Variants in PDZRN4 observed in about 807,000 individuals in gnomAD.
The protein encoded by PDZRN4 is PDZ domain containing ring finger 4.
In PDZRN4, 70 loss-of-function variants were observed where a neutral mutation model predicts 99.0. That is an observed-to-expected ratio of 0.71 (90% CI 0.58 to 0.86). The LOEUF (loss-of-function observed/expected upper bound fraction) is 0.86, where lower values mean the gene tolerates loss of function less well. Among genes scored for constraint, PDZRN4 ranks in the 40% least tolerant of loss-of-function variants. The pLI is 0.00. For missense variants in PDZRN4, 1,474 were observed against 1,331.2 expected (o/e 1.11, Z -1.67); for synonymous variants, 551 against 501.6 (o/e 1.10, Z -1.32).
chr12:41,476,123 T>C (rs1193543913), intron 3 of PDZRN4, among the ~76,000 whole-genome samples: 1 of 152,198 alleles, frequency 6.6e-6, no homozygotes, highest in Non-Finnish European at 1.5e-5. Flanking sequence ...AAGTTAGTCT[T>C]TTAGTATCCC....
At chr12:41,417,583 G>A (rs1592051869) in intron 3 of PDZRN4, among the ~76,000 whole-genome samples, 1 of 152,176 alleles carries the variant, frequency 6.6e-6, no homozygotes, top group East Asian at 1.9e-4. Context: ...TTGCAATACA[G>A]CAGGCCACTA....
At chr12:41,542,270 G>A (rs993555698) in intron 5 of PDZRN4, among the ~76,000 whole-genome samples, 1 of 152,232 alleles carries the variant, frequency 6.6e-6, no homozygotes, top group Non-Finnish European at 1.5e-5. Flanking sequence ...CAGCACTATA[G>A]ACATTACAAT....
chr12:41,412,652 C>T (rs1437995945), intron 3 of PDZRN4: 1 of 152,108 alleles, frequency 6.6e-6, no homozygotes, highest in Admixed American at 6.5e-5. Context: ...GAATGTTTCA[C>T]ATGATGTGGC....
intron 3 of PDZRN4, among the ~76,000 whole-genome samples, chr12:41,384,180 A>G (rs1383319913): frequency 6.6e-6 from 1 of 151,958 alleles, no homozygotes; most frequent in African/African-American, 2.4e-5. Context: ...CTGCTAATTC[A>G]TTTATTAAAT....
At chr12:41,538,666 T>A (rs1028846908) in intron 5 of PDZRN4, among the ~76,000 whole-genome samples, 1 of 152,030 alleles carries the variant, frequency 6.6e-6, no homozygotes, top group Non-Finnish European at 1.5e-5. Flanking sequence ...GGCAAAAAAA[T>A]TAAACATTTT....
chr12:41,190,247 G>T (rs1446224084), intron 1 of PDZRN4, among the ~76,000 whole-genome samples: 2 of 152,158 alleles, frequency 1.3e-5, no homozygotes, highest in East Asian at 3.9e-4. Context: ...AAGTGAGAGG[G>T]ACTAAAATGT....
intron 3 of PDZRN4, among the ~76,000 whole-genome samples, chr12:41,349,912 A>G (rs1052003535): frequency 2.6e-5 from 4 of 152,004 alleles, no homozygotes; most frequent in African/African-American, 9.7e-5. Context: ...TATATGAGGA[A>G]TTATAATATA....
At chr12:41,457,048 T>A (rs1952822264) in intron 3 of PDZRN4, among the ~76,000 whole-genome samples, 1 of 152,134 alleles carries the variant, frequency 6.6e-6, no homozygotes, top group Non-Finnish European at 1.5e-5. Context: ...CTGTGCTAAA[T>A]CCTTTAGCAT....
At chr12:41,205,720 A>C (rs1013002713) in intron 3 of PDZRN4, among the ~76,000 whole-genome samples, 2 of 151,926 alleles carry the variant, frequency 1.3e-5, no homozygotes, top group African/African-American at 4.8e-5. Flanking sequence ...TATCATAATT[A>C]GAAATTACCT....
chr12:41,300,114 A>G (rs1490009080), intron 3 of PDZRN4, among the ~76,000 whole-genome samples: 1 of 151,962 alleles, frequency 6.6e-6, no homozygotes, highest in Non-Finnish European at 1.5e-5. Flanking sequence ...CTTTAGGTAT[A>G]TATTACTGAT....
chr12:41,352,659 T>C (rs1319718970), intron 3 of PDZRN4, among the ~76,000 whole-genome samples: 1 of 152,154 alleles, frequency 6.6e-6, no homozygotes, highest in Non-Finnish European at 1.5e-5. Flanking sequence ...TCTGCACTTT[T>C]CTTTTTATAT....
chr12:41,423,130 C>T (rs887907276), intron 3 of PDZRN4, among the ~76,000 whole-genome samples: 70 of 151,726 alleles, frequency 4.6e-4, no homozygotes, highest in Non-Finnish European at 7.2e-4. Context: ...TTAGATAAAT[C>T]TTTTTTTATT....
chr12:41,210,006 C>T (rs1055431684), intron 3 of PDZRN4, among the ~76,000 whole-genome samples: 3 of 151,778 alleles, frequency 2.0e-5, no homozygotes, highest in Non-Finnish European at 4.4e-5. Flanking sequence ...TCTCCAGCAC[C>T]TGTTGTTTCC....
intron 3 of PDZRN4, among the ~76,000 whole-genome samples, chr12:41,449,171 A>G (rs891286639): frequency 7.2e-5 from 11 of 151,992 alleles, no homozygotes; most frequent in Admixed American, 5.9e-4. Flanking sequence ...AAGTTATAAT[A>G]CTCCTCAAAG....
chr12:41,333,590 C>T (rs1477146080), intron 3 of PDZRN4, among the ~76,000 whole-genome samples: 1 of 152,108 alleles, frequency 6.6e-6, no homozygotes. Context: ...GTCTTGGACC[C>T]TCCTTCATTC....
At chr12:41,217,604 C>T (rs1591972208) in intron 3 of PDZRN4, among the ~76,000 whole-genome samples, 2 of 152,180 alleles carry the variant, frequency 1.3e-5, no homozygotes, top group South Asian at 2.1e-4. Flanking sequence ...TCAACAAAGA[C>T]GTAGGTAGGT....
chr12:41,349,015 A>AT (rs1316420661), intron 3 of PDZRN4, among the ~76,000 whole-genome samples: 2 of 151,930 alleles, frequency 1.3e-5, no homozygotes, highest in African/African-American at 2.4e-5. Flanking sequence ...ACATGTATTT[A>AT]TTTTTTGTTA....
At chr12:41,519,289 C>G (rs1434959446) in intron 5 of PDZRN4, among the ~76,000 whole-genome samples, 1 of 152,044 alleles carries the variant, frequency 6.6e-6, no homozygotes, top group Non-Finnish European at 1.5e-5. Flanking sequence ...GTGTTCTGAG[C>G]ATTTACGGTG....
intron 5 of PDZRN4, among the ~76,000 whole-genome samples, chr12:41,513,338 A>G (rs1453446222): frequency 6.6e-6 from 1 of 152,064 alleles, no homozygotes; most frequent in Non-Finnish European, 1.5e-5. Context: ...ACCATGACCT[A>G]TCACCAATTT....
Sources: allele counts gnomAD v4.1 joint callset (sites outside exome capture counted in the v4.1 genomes callset), GRCh38; gene constraint gnomAD v4.1.1; transcripts MANE v1.5; gene names NCBI Gene and HGNC (gene_info 2026-07-23, HGNC 2026-07-21).